The following IQSEC2 variants were observed in gnomAD, a reference collection of about 807,000 sequenced individuals.
IQSEC2 encodes the protein IQ motif and Sec7 domain ArfGEF 2.
In IQSEC2, 6 loss-of-function variants were observed where a neutral mutation model predicts 74.6. That is an observed-to-expected ratio of 0.08 (90% CI 0.04 to 0.16). The LOEUF is 0.16. IQSEC2 is among the 10% of genes least tolerant of loss of function. The pLI, the probability that IQSEC2 is intolerant of heterozygous loss-of-function variation, is 1.00. For synonymous variants in IQSEC2, 494 were observed against 544.5 expected, an observed-to-expected ratio of 0.91 and a Z score of 1.29; for missense variants, 734 against 1,306.2, an observed-to-expected ratio of 0.56 and a Z score of 6.75.
intron 3 of IQSEC2, 56 bp from the exon 4 acceptor site, chrX:53,254,987 C>T: frequency 7.1e-6 from 8 of 1,127,069 alleles, no homozygotes; most frequent in Non-Finnish European, 9.6e-6. Flanking sequence ...GCCTCATCTC[C>T]CTAGGCACTC....
At chrX:53,248,345 T>G in intron 6 of IQSEC2, 109 bp from the exon 7 acceptor site, 1 of 988,598 alleles carries the variant, frequency 1.0e-6, no homozygotes, top group South Asian at 2.1e-5. Context: ...GACTCTCAAA[T>G]TCAGGACCTG....
chrX:53,317,298 A>AC (rs2075387087), intron 1 of IQSEC2, among the ~76,000 whole-genome samples: 1 of 111,803 alleles, frequency 8.9e-6, no homozygotes, highest in South Asian at 3.7e-4. Context: ...CTCTATCTGC[A>AC]CTAGAAAGGC....
intron 2 of IQSEC2, chrX:53,279,558 T>A (rs2074907356): frequency 1.8e-6 from 2 of 1,140,357 alleles, no homozygotes; most frequent in African/African-American, 3.6e-5. Flanking sequence ...TGGGTCTAGC[T>A]CTTACCTGCT....
chrX:53,270,627 GTTTA>G (rs1556868492), intron 2 of IQSEC2, among the ~76,000 whole-genome samples: 1 of 111,971 alleles, frequency 8.9e-6, no homozygotes, highest in East Asian at 2.8e-4. Flanking sequence ...ACATTTAGTT[GTTTA>G]TTTATTTTTC....
intron 1 of IQSEC2, among the ~76,000 whole-genome samples, chrX:53,308,941 AAAAT>A (rs1453275081): frequency 9.2e-6 from 1 of 109,012 alleles, no homozygotes; most frequent in African/African-American, 3.3e-5. Flanking sequence ...CTAAAAAAAA[AAAAT>A]AAATAAAACT....
downstream of IQSEC2, chrX:53,228,885 T>C (rs1023402524): frequency 1.8e-5 from 2 of 112,584 alleles, no homozygotes; most frequent in Non-Finnish European, 3.7e-5. Context: ...CTTATACATA[T>C]ACATAACAAT....
At chrX:53,263,229 AG>A (rs1556866884) in intron 2 of IQSEC2, among the ~76,000 whole-genome samples, 1 of 111,827 alleles carries the variant, frequency 8.9e-6, no homozygotes, top group Non-Finnish European at 1.9e-5. Context: ...AGATGGAAGA[AG>A]CTCCTGACCT....
intron 2 of IQSEC2, among the ~76,000 whole-genome samples, chrX:53,268,071 C>T (rs2074686351): frequency 8.9e-6 from 1 of 111,802 alleles, no homozygotes; most frequent in Non-Finnish European, 1.9e-5. Flanking sequence ...TTCACTGGTG[C>T]TGGGCTACAG....
intron 1 of IQSEC2, among the ~76,000 whole-genome samples, chrX:53,293,209 C>G (rs1353668193): frequency 6.2e-5 from 7 of 112,216 alleles, no homozygotes; most frequent in Non-Finnish European, 1.3e-4. Context: ...ACAGCACTCC[C>G]GGTTCCACTA....
downstream of IQSEC2, chrX:53,227,665 G>T: frequency 3.4e-6 from 1 of 289,874 alleles, no homozygotes; most frequent in Non-Finnish European, 6.2e-6. Context: ...GCAGAGGCCT[G>T]GCCAGAGAAG....
intron 12 of IQSEC2, 119 bp downstream of exon 12, chrX:53,238,026 A>C: frequency 1.2e-6 from 1 of 812,503 alleles, no homozygotes; most frequent in South Asian, 2.2e-5. Context: ...TCTTGAAATG[A>C]GGATGGGAAG....
chrX:53,246,806 A>G (rs2074315096), intron 8 of IQSEC2, among the ~76,000 whole-genome samples, 163 bp downstream of exon 8: 1 of 111,699 alleles, frequency 9.0e-6, no homozygotes, highest in Non-Finnish European at 1.9e-5. Context: ...TGACGATTTG[A>G]GTGAATTAAT....
intron 2 of IQSEC2, among the ~76,000 whole-genome samples, chrX:53,268,907 G>A (rs1422339535): frequency 1.8e-5 from 2 of 112,400 alleles, no homozygotes; most frequent in East Asian, 2.8e-4. Flanking sequence ...TGCAAACTGA[G>A]GAAATACCTA....
At chrX:53,271,725 C>T (rs1556868702) in intron 2 of IQSEC2, among the ~76,000 whole-genome samples, 1 of 111,648 alleles carries the variant, frequency 9.0e-6, no homozygotes, top group African/African-American at 3.3e-5. Context: ...TGCATACAAC[C>T]CATTTTTCAT....
At chrX:53,248,957 T>C in intron 5 of IQSEC2, 75 bp from the exon 6 acceptor site, 1 of 1,075,670 alleles carries the variant, frequency 9.3e-7, no homozygotes, top group East Asian at 3.2e-5. Context: ...GTTGAACTAA[T>C]TTTGGGCCCA....
At chrX:53,319,939 TA>T (rs1396358327) in intron 1 of IQSEC2, among the ~76,000 whole-genome samples, 2 of 90,973 alleles carry the variant, frequency 2.2e-5, no homozygotes, top group African/African-American at 9.0e-5. Context: ...GCCTCTTTGG[TA>T]AGGGATGGAG....
chrX:53,307,965 T>A (rs1556877117), intron 1 of IQSEC2, among the ~76,000 whole-genome samples: 1 of 105,351 alleles, frequency 9.5e-6, no homozygotes, highest in East Asian at 3.0e-4. Flanking sequence ...GGTGAGTGGA[T>A]CACCTGAGGT....
At chrX:53,292,283 A>G (rs1323891204) in intron 1 of IQSEC2, among the ~76,000 whole-genome samples, 2 of 111,848 alleles carry the variant, frequency 1.8e-5, no homozygotes, top group Non-Finnish European at 3.8e-5. Flanking sequence ...GGCAGGGGCA[A>G]AGCCCAAGCT....
intron 2 of IQSEC2, among the ~76,000 whole-genome samples, chrX:53,277,033 GT>G (rs1414723446): frequency 1.0e-4 from 11 of 106,274 alleles, no homozygotes; most frequent in African/African-American, 2.7e-4. Flanking sequence ...TATAGTTGTT[GT>G]TTTTTTTTTA....
Sources: gnomAD v4.1 joint callset for allele counts (sites outside exome capture counted in the v4.1 genomes callset) on GRCh38, gnomAD v4.1.1 for gene constraint, MANE v1.5 for transcripts, NCBI Gene and HGNC (gene_info 2026-07-23, HGNC 2026-07-21) for gene names.